The following BRD1 variants were observed in gnomAD, a reference collection of about 807,000 sequenced individuals.
The protein encoded by BRD1 is bromodomain-containing protein 1.
In BRD1, 24 loss-of-function variants were observed where a neutral mutation model predicts 107.7. The ratio of observed to expected loss-of-function variants is 0.22; its 90% CI spans 0.16 to 0.31. BRD1 has a LOEUF of 0.31. Ranked by LOEUF, BRD1 falls within the 10% of genes least tolerant of loss-of-function variation. BRD1 has a pLI of 1.00. For missense variants in BRD1, 1,279 were observed against 1,638.6 expected, an observed-to-expected ratio of 0.78 and a Z score of 3.79; for synonymous variants, 744 against 686.1, an observed-to-expected ratio of 1.08 and a Z score of -1.32.
chr22:49,788,312 C>A (rs138841), intron 7 of BRD1, among the ~76,000 whole-genome samples: 56,503 of 152,004 alleles, frequency 0.37, 14,736 homozygotes, highest in African/African-American at 0.75. Context: ...AAAAGGAAGG[C>A]AACATTAAAT....
rs76995615 is a variant in BRD1 at position 49,792,019 on chromosome 22, G to C, written c.2359+2015C>G. Reference sequence around the variant, plus strand: ...AATGGTCTCCAAAGGCTCCTGCTAAGCGTTGGGTGTTATGAGGAGCCACGC... The same window carrying C: ...AATGGTCTCCAAAGGCTCCTGCTAACCGTTGGGTGTTATGAGGAGCCACGC... On this transcript the variant is annotated intron_variant, in intron 7 of 12. Coordinates refer to ENST00000404760, the MANE Select transcript of BRD1 (RefSeq NM_001304808.3). The surrounding 1 kb of genome is among the most constrained non-coding windows in gnomAD (Gnocchi z 4.2). Among the ~76,000 whole-genome samples the C allele has an allele frequency of 6.6e-6, 1 of 152,266 alleles. No homozygotes were observed. Among genetic ancestry groups the C allele is most frequent in the East Asian group, 1.9e-4 (1 of 5,188 alleles).
rs55725157 is a variant in BRD1, at chr22:49,776,589, G to A, written c.3122-430C>T. Among the ~76,000 whole-genome samples, 357 of 152,286 alleles carry A rather than the reference G, an allele frequency of 2.3e-3. 2 individuals carry two copies. Among genetic ancestry groups the A allele is most frequent in the African/African-American group, 8.1e-3 (338 of 41,566 alleles). On this transcript the variant is annotated intron_variant, in intron 10 of 12. Coordinates refer to ENST00000404760, the MANE Select transcript of BRD1 (RefSeq NM_001304808.3). The stretch of plus-strand genomic sequence containing the variant: ...TGTCCCTCCCACCTGGGGGATCTCC[G>A]TCCTGATGCCCCCTCACAGCATGGC...
chr22:49,801,104 G>A (rs897504827), intron 3 of BRD1, among the ~76,000 whole-genome samples: 9 of 152,244 alleles, frequency 5.9e-5, no homozygotes, highest in Non-Finnish European at 1.0e-4. Flanking sequence ...GGGCAGCAGC[G>A]CCCAGCATGC....
At chr22:49,795,152 TCA>T (rs532867048) in intron 6 of BRD1, among the ~76,000 whole-genome samples, 123 of 152,220 alleles carry the variant, frequency 8.1e-4, no homozygotes, top group Non-Finnish European at 1.1e-3. Context: ...ATCCATAACA[TCA>T]CTCTGAACAA....
chr22:49,798,362 C>T (rs1001519357), intron 5 of BRD1, among the ~76,000 whole-genome samples, 196 bp downstream of exon 5: 6 of 152,344 alleles, frequency 3.9e-5, no homozygotes, highest in African/African-American at 1.4e-4. Context: ...TGCACAGGGC[C>T]TCTTGCCCAC....
intron 7 of BRD1, among the ~76,000 whole-genome samples, chr22:49,788,665 G>A (rs906102847): frequency 4.6e-5 from 7 of 152,136 alleles, no homozygotes; most frequent in African/African-American, 1.7e-4. Flanking sequence ...GCACTGTCCC[G>A]AGTCCAGGGG....
Position 49,774,137 on chromosome 22 carries a change from A to T in BRD1, c.*96T>A. The T allele has an allele frequency of 7.1e-7, 1 of 1,413,902 alleles. No homozygotes were observed. Among genetic ancestry groups the T allele is most frequent in the East Asian group, 2.5e-5 (1 of 40,556 alleles). The allele number at this position is 1,413,902 out of a possible 1,614,324, so 87.6% of individuals were successfully genotyped here. A position where few individuals can be genotyped will look rare whatever the true frequency, so the allele number is the denominator to read the frequency against. On this transcript the variant is annotated 3_prime_UTR_variant, in exon 13 of 13. Coordinates refer to ENST00000404760, the MANE Select transcript of BRD1 (RefSeq NM_001304808.3). ...CCCGGGGAAAAAGAATTAAAGAGCT[A>T]TAACTAAAAATCAGAATAAGTTAAG...
Position 49,787,746 on chromosome 22 carries a change from T to C in BRD1, c.2501A>G (p.Asp834Gly). Residue 834 changes from aspartate to glycine, a missense_variant, in exon 8 of 13, where the codon GAT (aspartate) becomes GGT (glycine). Coordinates refer to ENST00000404760, the MANE Select transcript of BRD1 (RefSeq NM_001304808.3). ...QSKLFKRVTF[D>G]NESHSACTQS... ...AGTGCAAGCGCTATGTGATTCATTA[T>C]CAAATGTGACTCTTTTGAAAAGTTT... 1 of 1,550,884 alleles carries C rather than the reference T, an allele frequency of 6.4e-7. No homozygotes were observed. Among genetic ancestry groups the C allele is most frequent in the East Asian group, 2.4e-5 (1 of 40,934 alleles).
chr22:49,798,165 T>C, intron 5 of BRD1, 48 bp from the exon 6 acceptor site: 1 of 1,498,572 alleles, frequency 6.7e-7, no homozygotes, highest in Non-Finnish European at 9.1e-7. Flanking sequence ...AAACAGGATA[T>C]TAGTTGACTC....
intron 3 of BRD1, among the ~76,000 whole-genome samples, chr22:49,800,498 T>G (rs990956806): frequency 6.6e-6 from 1 of 152,080 alleles, no homozygotes; most frequent in African/African-American, 2.4e-5. Context: ...CAATCGACAC[T>G]TCTGAAAACC....
intron 8 of BRD1, among the ~76,000 whole-genome samples, chr22:49,780,432 C>A (rs1273200818): frequency 6.6e-6 from 1 of 152,210 alleles, no homozygotes; most frequent in Non-Finnish European, 1.5e-5. Context: ...GCAGCACAGA[C>A]AAACCCAGCC....
rs778838604 is a variant in BRD1 at position 49,777,756 on chromosome 22, C to T, written c.2915G>A (p.Gly972Glu). 1.2e-6 allele frequency: 2 copies of T among 1,605,906 alleles called. No homozygotes were observed. Among genetic ancestry groups the T allele is most frequent in the Non-Finnish European group, 1.7e-6 (2 of 1,177,822 alleles). The change falls in exon 9 of 13, where the codon GGG (glycine) becomes GAG (glutamate). Residue 972 changes from glycine to glutamate, a missense_variant. Around this residue, in one of 7 missense-constraint regions of BRD1, gnomAD observed 263 missense variants for 251.6 expected, o/e 1.05. Transcript: ENST00000404760. ...RSEQEPGGGLGRKATPRRRCA... is the reference protein window; with the variant it reads ...RSEQEPGGGLERKATPRRRCA... ...GCGTCGTCGGGGTGTGGCCTTCCTC[C>T]CCAGGCCGCCGCCCGGCTCCTGCTC...
chr22:49,826,736 C>T (rs546668335), intron 1 of BRD1, among the ~76,000 whole-genome samples: 2 of 152,346 alleles, frequency 1.3e-5, no homozygotes, highest in East Asian at 3.9e-4. Flanking sequence ...ATTCCACTAA[C>T]TACACAACCA....
At chr22:49,775,474 G>C (rs573251823) in intron 12 of BRD1, 117 bp downstream of exon 12, 1 of 1,038,982 alleles carries the variant, frequency 9.6e-7, no homozygotes, top group East Asian at 2.9e-5. Flanking sequence ...TCCGACTTTA[G>C]CTGTGCCAGG....
At position 49,823,734 on chromosome 22, in the gene BRD1, T is replaced by C. The variant is rs1400750489; in HGVS notation, c.584A>G (p.Lys195Arg). 6.2e-7 allele frequency: 1 copy of C among 1,614,124 alleles called. No homozygotes were observed. Among genetic ancestry groups the C allele is most frequent in the Non-Finnish European group, 8.5e-7 (1 of 1,180,016 alleles). Residue 195 changes from lysine to arginine, a missense_variant, in exon 2 of 13, where the codon AAG becomes AGG. This residue lies in a region of BRD1 where 158 missense variants were observed against 310.2 expected (regional missense o/e 0.51). Coordinates refer to ENST00000404760, the MANE Select transcript of BRD1 (RefSeq NM_001304808.3). ...CTTCTGGTTCTCGCAGTGCGACTCC[T>C]TCTCGAAGCGGTCCATCAGGAACTC... is the stretch of plus-strand genomic sequence containing the variant. ...MFEFLMDRFEKESHCENQKQG... is the reference protein window; with the variant it reads ...MFEFLMDRFERESHCENQKQG...
chr22:49,778,032 G>A (rs2146936909), intron 8 of BRD1, among the ~76,000 whole-genome samples: 1 of 152,348 alleles, frequency 6.6e-6, no homozygotes, highest in South Asian at 2.1e-4. Flanking sequence ...ACTGCAGTCG[G>A]CTCCGATCGT....
chr22:49,787,069 AAG>A lies in BRD1; in HGVS notation c.2857+319_2857+320del, dbSNP rs539341273. ...CTCACTCCAGCCTGGGTGACAAAGC[AAG>A]ACTCTCTTAAAAAAAAATCAGAGAG... On this transcript the variant is annotated intron_variant, in intron 8 of 12. Coordinates refer to ENST00000404760, the MANE Select transcript of BRD1 (RefSeq NM_001304808.3). 3.0e-4 allele frequency among the ~76,000 whole-genome samples: 45 copies of A among 152,160 alleles called. No homozygotes were observed. In the East Asian group the frequency reaches 5.4e-3, roughly 18 times the overall value.
chr22:49,823,684 C>T lies in BRD1; in HGVS notation c.634G>A (p.Asp212Asn), dbSNP rs2060110733. ...CAGATGCAGCACACGGCGTCCTCGTCGATCAGAGACTGCTGCTCGCCCTGC... is the reference window on the plus strand; with the variant it reads ...CAGATGCAGCACACGGCGTCCTCGTTGATCAGAGACTGCTGCTCGCCCTGC... ...QKQGEQQSLI[D>N]EDAVCCICMD... The change falls in exon 2 of 13, where the codon GAC becomes AAC. Residue 212 changes from aspartate (D) to asparagine (N), a missense_variant. Physicochemically the swap from Asp to Asn is conservative, Grantham distance 23. Around this residue, in one of 7 missense-constraint regions of BRD1, gnomAD observed 158 missense variants for 310.2 expected, o/e 0.51. Transcript: ENST00000404760. 1 of 1,613,526 alleles carries T rather than the reference C, an allele frequency of 6.2e-7. No homozygotes were observed. The highest frequency in any genetic ancestry group is 8.5e-7 in the Non-Finnish European group (1 of 1,179,888).
At chr22:49,776,216 G>T in intron 10 of BRD1, 57 bp from the exon 11 acceptor site, 1 of 1,475,698 alleles carries the variant, frequency 6.8e-7, no homozygotes, top group Non-Finnish European at 9.3e-7. Flanking sequence ...GGCACGCCCC[G>T]CCCCCCCACA....
Sources: gnomAD v4.1 joint callset for allele counts (sites outside exome capture counted in the v4.1 genomes callset) on GRCh38, gnomAD v4.1.1 for gene constraint, gnomAD v4.1.1 regional missense constraint, Gnocchi (gnomAD v3.1) non-coding constraint, MANE v1.5 for transcripts, NCBI Gene and HGNC (gene_info 2026-07-23, HGNC 2026-07-21) for gene names.